The following TMPRSS15 variants were observed in gnomAD, a reference collection of about 807,000 sequenced individuals.
TMPRSS15 encodes the protein transmembrane serine protease 15, also known as enteropeptidase.
Under a neutral mutation model 125.3 loss-of-function variants are expected in TMPRSS15, and 128 were observed. The ratio of observed to expected loss-of-function variants is 1.02; its 90% CI spans 0.89 to 1.18. The LOEUF is 1.18. TMPRSS15 is among the 50% of genes most tolerant of loss of function. TMPRSS15 has a pLI of 0.00. For synonymous variants in TMPRSS15, 446 were observed against 423.2 expected (o/e 1.05, Z -0.66); for missense variants, 1,283 against 1,212.7 (o/e 1.06, Z -0.86).
intron 1 of TMPRSS15, among the ~76,000 whole-genome samples, chr21:18,424,606 C>A (rs1373923267): frequency 6.6e-6 from 1 of 152,030 alleles, no homozygotes; most frequent in African/African-American, 2.4e-5. Flanking sequence ...AGGTTTAATT[C>A]AGATCAGAGC....
At chr21:18,352,074 G>GT (rs147684081) in intron 10 of TMPRSS15, among the ~76,000 whole-genome samples, 2,823 of 151,478 alleles carry the variant, frequency 0.019, 75 homozygotes, top group African/African-American at 0.056. Flanking sequence ...ACTTTTCACT[G>GT]TTTTTTTGTA....
intron 1 of TMPRSS15, among the ~76,000 whole-genome samples, chr21:18,466,649 CAT>C (rs1568735230): frequency 1.3e-5 from 2 of 152,068 alleles, no homozygotes; most frequent in Non-Finnish European, 2.9e-5. Context: ...GGCTCACAAA[CAT>C]ATGAAAAAAA....
At chr21:18,315,825 C>G (rs558880943) in intron 16 of TMPRSS15, among the ~76,000 whole-genome samples, 4 of 145,250 alleles carry the variant, frequency 2.8e-5, no homozygotes, top group East Asian at 4.0e-4. Flanking sequence ...CACGTGTACC[C>G]TAGAACTTAA....
At chr21:18,405,876 A>C (rs1472437222), upstream of TMPRSS15, among the ~76,000 whole-genome samples, 1 of 152,194 alleles carries the variant, frequency 6.6e-6, no homozygotes, top group Non-Finnish European at 1.5e-5. Flanking sequence ...AAAAATCATG[A>C]AGAACATTGA....
At chr21:18,311,204 G>C (rs982704275) in intron 18 of TMPRSS15, among the ~76,000 whole-genome samples, 4 of 151,980 alleles carry the variant, frequency 2.6e-5, no homozygotes, top group African/African-American at 9.7e-5. Flanking sequence ...GCCCATAAAA[G>C]CACAGGCAAC....
At position 18,354,575 on chromosome 21, in the gene TMPRSS15, C is replaced by T. The variant is rs375678260; in HGVS notation, c.881-712G>A. Among the ~76,000 whole-genome samples the T allele has an allele frequency of 9.9e-5, 15 of 151,484 alleles. 1 individual carries two copies. The highest frequency in any genetic ancestry group is 5.8e-4 in the East Asian group (3 of 5,160). ...TCAAAGGGGGTGGTCTTGCCTTTAG[C>T]GGAGTGAAAATTGGTTTTGAGGGAG... is the stretch of plus-strand genomic sequence containing the variant. On this transcript the variant is annotated intron_variant, in intron 8 of 24. Transcript: ENST00000284885.
chr21:18,365,926 G>C (rs2075732692), intron 6 of TMPRSS15, among the ~76,000 whole-genome samples: 2 of 151,348 alleles, frequency 1.3e-5, no homozygotes, highest in South Asian at 4.2e-4. Context: ...GTAGAGACGG[G>C]GTTTCACCAT....
chr21:18,353,244 C>A (rs1265393091), intron 9 of TMPRSS15, among the ~76,000 whole-genome samples, 192 bp from the exon 10 acceptor site: 1 of 151,578 alleles, frequency 6.6e-6, no homozygotes, highest in Non-Finnish European at 1.5e-5. Flanking sequence ...TTGTTGCCAA[C>A]TGTGTTAAAT....
intron 3 of TMPRSS15, among the ~76,000 whole-genome samples, chr21:18,384,017 T>C (rs1232364049): frequency 3.3e-5 from 5 of 152,174 alleles, no homozygotes; most frequent in Non-Finnish European, 5.9e-5. Context: ...AAAATTGAAA[T>C]CTGAGTTTTC....
At chr21:18,303,484 A>T (rs909926990) in intron 18 of TMPRSS15, among the ~76,000 whole-genome samples, 1 of 152,166 alleles carries the variant, frequency 6.6e-6, no homozygotes, top group Admixed American at 6.5e-5. Flanking sequence ...TATAGCGTTA[A>T]TTACAAGTTG....
chr21:18,339,055 G>C (rs1256086499), intron 13 of TMPRSS15, among the ~76,000 whole-genome samples: 1 of 151,118 alleles, frequency 6.6e-6, no homozygotes, highest in African/African-American at 2.4e-5. Context: ...TTACTTTTAG[G>C]GGCATATAAT....
chr21:18,476,384 G>T (rs1978880849), intron 1 of TMPRSS15, among the ~76,000 whole-genome samples: 1 of 152,008 alleles, frequency 6.6e-6, no homozygotes. Context: ...GTAGAAAAAT[G>T]TATTTCAAAT....
intron 1 of TMPRSS15, among the ~76,000 whole-genome samples, chr21:18,435,641 C>T (rs563930408): frequency 6.6e-6 from 1 of 152,202 alleles, no homozygotes; most frequent in African/African-American, 2.4e-5. Flanking sequence ...TGATGCTGGC[C>T]TCATAAAATG....
chr21:18,279,596 A>G (rs888104981), intron 22 of TMPRSS15, among the ~76,000 whole-genome samples: 3 of 151,220 alleles, frequency 2.0e-5, no homozygotes, highest in Non-Finnish European at 2.9e-5. Context: ...GGCCTCCCAA[A>G]GTGCTGGGAT....
intron 1 of TMPRSS15, among the ~76,000 whole-genome samples, chr21:18,476,505 A>T (rs1000745434): frequency 6.6e-6 from 1 of 152,212 alleles, no homozygotes; most frequent in African/African-American, 2.4e-5. Context: ...TAAAAAATAC[A>T]TGAAAACATT....
chr21:18,324,298 C>T (rs1036401194), intron 16 of TMPRSS15, among the ~76,000 whole-genome samples: 3 of 152,036 alleles, frequency 2.0e-5, no homozygotes, highest in African/African-American at 7.2e-5. Context: ...ATGTTTCTGT[C>T]TCTCTTTACT....
At position 18,403,757 on chromosome 21, in the gene TMPRSS15, T is replaced by G. The variant is rs1455475084; in HGVS notation, c.-135A>C. 12 of 1,087,634 alleles carry G rather than the reference T, an allele frequency of 1.1e-5. No homozygotes were observed. The East Asian group carries it at 2.3e-4, about 21-fold the overall frequency. The allele number at this position is 1,087,634 out of a possible 1,614,324, so 67.4% of individuals were successfully genotyped here. ...ACCTGTCTACATGCATACCAGTCAGTGTAAGTGAGTTGTGTATGTCTCTTT... is the reference window on the plus strand; with the variant it reads ...ACCTGTCTACATGCATACCAGTCAGGGTAAGTGAGTTGTGTATGTCTCTTT... On this transcript the variant is annotated 5_prime_UTR_variant, in exon 1 of 25. Coordinates refer to ENST00000284885, the MANE Select transcript of TMPRSS15 (RefSeq NM_002772.3).
Position 18,396,808 on chromosome 21 carries a change from GTCTATCTA to G in TMPRSS15, c.344+1063_344+1070del, listed in dbSNP as rs3082172. ...AAAAAAAAAATCTGTCTGTCTGTCT[GTCTATCTA>G]TCTATCTATCTATCTATCTATCTAT... On this transcript the variant is annotated intron_variant, in intron 3 of 24. Coordinates refer to ENST00000284885, the MANE Select transcript of TMPRSS15 (RefSeq NM_002772.3). Among the ~76,000 whole-genome samples the G allele has an allele frequency of 1.2e-4, 13 of 107,882 alleles. No individual in the cohort carries two copies. The East Asian group carries it at 1.4e-3, about 12-fold the overall frequency. The allele number at this position is 107,882 out of a possible 152,430, so 70.8% of individuals were successfully genotyped here. A position where few individuals can be genotyped will look rare whatever the true frequency, so the allele number is the denominator to read the frequency against.
At chr21:18,409,380 C>T (rs1422108359) in intron 1 of TMPRSS15, among the ~76,000 whole-genome samples, 1 of 151,866 alleles carries the variant, frequency 6.6e-6, no homozygotes, top group East Asian at 1.9e-4. Context: ...GAAAAAAATC[C>T]TTTATTAAAG....
Sources: gnomAD v4.1 joint callset for allele counts (sites outside exome capture counted in the v4.1 genomes callset) on GRCh38, gnomAD v4.1.1 for gene constraint, MANE v1.5 for transcripts, NCBI Gene and HGNC (gene_info 2026-07-23, HGNC 2026-07-21) for gene names.